GRIP1: variants seen among roughly 807,000 people sequenced by gnomAD.
GRIP1 encodes glutamate receptor interacting protein 1.
Under a neutral mutation model 129.9 loss-of-function variants are expected in GRIP1, and 45 were observed. The observed-to-expected ratio is 0.35, with a 90% CI of 0.27 to 0.44. The LOEUF is 0.44. Among genes scored for constraint, GRIP1 ranks in the 20% least tolerant of loss-of-function variants. The pLI, the probability that GRIP1 is intolerant of heterozygous loss-of-function variation, is 1.00. For synonymous variants in GRIP1, 530 were observed against 520.8 expected, an observed-to-expected ratio of 1.02 and a Z score of -0.24; for missense variants, 1,196 against 1,396.8, an observed-to-expected ratio of 0.86 and a Z score of 2.29.
intron 16 of GRIP1, among the ~76,000 whole-genome samples, chr12:66,398,439 C>T (rs1262911592): frequency 6.6e-6 from 1 of 151,918 alleles, no homozygotes; most frequent in African/African-American, 2.4e-5. Flanking sequence ...TTTCTAACAT[C>T]TTTAGCCCTT....
chr12:66,371,216 T>C (rs2055474418), intron 23 of GRIP1, among the ~76,000 whole-genome samples: 1 of 149,494 alleles, frequency 6.7e-6, no homozygotes, highest in Admixed American at 6.8e-5. Context: ...TGCAGTGCAG[T>C]GGCACAATCT....
At chr12:66,746,746 G>A (rs1044729071) in intron 1 of GRIP1, among the ~76,000 whole-genome samples, 3 of 152,144 alleles carry the variant, frequency 2.0e-5, no homozygotes, top group African/African-American at 7.2e-5. Flanking sequence ...AAGATCTCAG[G>A]TACTAAGGTG....
chr12:67,029,966 C>T (rs937944294), intron 1 of GRIP1, among the ~76,000 whole-genome samples: 1 of 149,974 alleles, frequency 6.7e-6, no homozygotes, highest in African/African-American at 2.5e-5. Context: ...TTGGGAGGGC[C>T]AAGGCGGGTG....
intron 2 of GRIP1, among the ~76,000 whole-genome samples, chr12:66,556,253 G>A (rs1020013926): frequency 6.6e-6 from 1 of 152,054 alleles, no homozygotes; most frequent in Admixed American, 6.6e-5. Flanking sequence ...AATCTTACAG[G>A]CCAGGAGAGC....
intron 1 of GRIP1, among the ~76,000 whole-genome samples, chr12:66,646,845 G>A (rs1438804722): frequency 2.0e-5 from 3 of 152,170 alleles, no homozygotes; most frequent in Non-Finnish European, 4.4e-5. Context: ...GAAAGGAGTA[G>A]AATTCAGGCG....
At chr12:66,831,010 G>A (rs1430206348) in intron 1 of GRIP1, among the ~76,000 whole-genome samples, 1 of 151,718 alleles carries the variant, frequency 6.6e-6, no homozygotes, top group Non-Finnish European at 1.5e-5. Flanking sequence ...CTACACTTGG[G>A]TAATTTTTTT....
chr12:66,371,960 G>C, intron 22 of GRIP1, 33 bp from the exon 23 acceptor site: 1 of 1,354,212 alleles, frequency 7.4e-7, no homozygotes, highest in Non-Finnish European at 1.1e-6. Context: ...AAACAATTAA[G>C]CCATGGACTA....
rs58011515 is a variant in GRIP1 at position 66,492,956 on chromosome 12, A to G, written c.724+22663T>C. 7.6e-3 allele frequency among the ~76,000 whole-genome samples: 1,152 copies of G among 152,218 alleles called. 17 individuals are homozygous for G. Among genetic ancestry groups the G allele is most frequent in the African/African-American group, 0.027 (1,106 of 41,532 alleles). Reference sequence around the variant, plus strand: ...ACTCGGAAGGCGGAGGTTGCAGTGAACCAAGACCATGCCACTGCACTCCAG... The same window carrying G: ...ACTCGGAAGGCGGAGGTTGCAGTGAGCCAAGACCATGCCACTGCACTCCAG... On this transcript the variant is annotated intron_variant, in intron 7 of 24. Coordinates refer to ENST00000359742, the MANE Select transcript of GRIP1 (RefSeq NM_001366722.1).
chr12:66,613,663 G>A (rs910708288), intron 1 of GRIP1, among the ~76,000 whole-genome samples: 1 of 152,054 alleles, frequency 6.6e-6, no homozygotes, highest in Non-Finnish European at 1.5e-5. Flanking sequence ...AGTGAAATAC[G>A]GCAAAAGATG....
chr12:66,636,724 TG>T (rs1359602575), intron 1 of GRIP1, among the ~76,000 whole-genome samples: 2 of 95,510 alleles, frequency 2.1e-5, no homozygotes, highest in African/African-American at 3.7e-5. Context: ...TCTGTGTGTG[TG>T]TGTGTGTGTG....
chr12:66,950,681 CTGTG>C (rs548127988), intron 1 of GRIP1, among the ~76,000 whole-genome samples: 30 of 151,852 alleles, frequency 2.0e-4, no homozygotes, highest in Non-Finnish European at 3.7e-4. Context: ...GTGCGTGTGT[CTGTG>C]TGTCTGTGTG....
intron 7 of GRIP1, among the ~76,000 whole-genome samples, chr12:66,475,708 C>T (rs1333433766): frequency 6.6e-6 from 1 of 152,202 alleles, no homozygotes; most frequent in Non-Finnish European, 1.5e-5. Flanking sequence ...GGAAACTGAA[C>T]AACTTGCTCC....
rs2059949383 is a variant in GRIP1, at chr12:66,486,178, C to T, written c.725-20756G>A. Among the ~76,000 whole-genome samples the T allele has an allele frequency of 2.0e-5, 3 of 151,874 alleles. No homozygotes were observed. The South Asian group carries it at 6.3e-4, about 32-fold the overall frequency. On this transcript the variant is annotated intron_variant, in intron 7 of 24. Coordinates refer to ENST00000359742, the MANE Select transcript of GRIP1 (RefSeq NM_001366722.1). ...AACTAAATAAGTGAGAGAGTTTAGG[C>T]CCTTGCCAAGGGAATAATAATATAT...
At chr12:66,794,000 T>A (rs1325591460) in intron 1 of GRIP1, among the ~76,000 whole-genome samples, 1 of 152,122 alleles carries the variant, frequency 6.6e-6, no homozygotes, top group Non-Finnish European at 1.5e-5. Context: ...ATAAACTTCG[T>A]AGCATGTGTT....
At chr12:67,005,159 T>C (rs979915683) in intron 1 of GRIP1, among the ~76,000 whole-genome samples, 7 of 152,144 alleles carry the variant, frequency 4.6e-5, no homozygotes, top group African/African-American at 1.4e-4. Flanking sequence ...TCAGACCACA[T>C]GGAAAATTTA....
chr12:67,013,920 T>C (rs2042746350), intron 1 of GRIP1, among the ~76,000 whole-genome samples: 1 of 152,202 alleles, frequency 6.6e-6, no homozygotes, highest in Non-Finnish European at 1.5e-5. Context: ...TAGGAGTTTG[T>C]CCAATCAGCG....
intron 1 of GRIP1, among the ~76,000 whole-genome samples, chr12:66,640,356 T>C (rs2031812605): frequency 6.6e-6 from 1 of 152,158 alleles, no homozygotes; most frequent in South Asian, 2.1e-4. Context: ...CAGTTCAACA[T>C]CAGACAAGCA....
intron 2 of GRIP1, among the ~76,000 whole-genome samples, chr12:66,556,585 A>C (rs938385109): frequency 2.0e-5 from 3 of 152,160 alleles, no homozygotes; most frequent in Non-Finnish European, 4.4e-5. Flanking sequence ...ATGATGAACC[A>C]ATCAAAAATA....
chr12:66,763,311 C>T (rs539170840), intron 1 of GRIP1, among the ~76,000 whole-genome samples: 2 of 152,254 alleles, frequency 1.3e-5, no homozygotes, highest in African/African-American at 4.8e-5. Flanking sequence ...TTCTTCCAAG[C>T]TTCCCTCAAA....
Sources: allele counts gnomAD v4.1 joint callset (sites outside exome capture counted in the v4.1 genomes callset), GRCh38; gene constraint gnomAD v4.1.1; transcripts MANE v1.5; gene names NCBI Gene and HGNC (gene_info 2026-07-23, HGNC 2026-07-21).